FHAD1: variants seen among roughly 807,000 people sequenced by gnomAD.
FHAD1 encodes the protein forkhead-associated domain-containing protein 1.
FHAD1 carries 146 observed loss-of-function variants against 191.3 expected under a neutral mutation model. The ratio of observed to expected loss-of-function variants is 0.76; its 90% CI spans 0.67 to 0.88. The LOEUF (loss-of-function observed/expected upper bound fraction) is 0.88, where lower values mean the gene tolerates loss of function less well. FHAD1 is among the 40% of genes least tolerant of loss of function. The probability of loss-of-function intolerance (pLI) is 0.00; values close to 1 mark genes in which losing one functional copy is unlikely to be tolerated. For missense variants in FHAD1, 1,635 were observed against 1,785.8 expected (o/e 0.92, Z 1.52); for synonymous variants, 616 against 672.3 (o/e 0.92, Z 1.29).
chr1:15,249,816 C>T (rs1007293920), intron 1 of FHAD1, among the ~76,000 whole-genome samples: 1 of 152,104 alleles, frequency 6.6e-6, no homozygotes, highest in Non-Finnish European at 1.5e-5. Context: ...CATCCCCTCC[C>T]CACCCAGCAG....
At chr1:15,255,556 T>C (rs753414198) in intron 2 of FHAD1, among the ~76,000 whole-genome samples, 3 of 152,164 alleles carry the variant, frequency 2.0e-5, no homozygotes, top group Non-Finnish European at 4.4e-5. Flanking sequence ...TCCACAGACA[T>C]TGGCCTGGAG....
chr1:15,390,446 C>G (rs1703688070), intron 32 of FHAD1, among the ~76,000 whole-genome samples: 2 of 152,002 alleles, frequency 1.3e-5, no homozygotes, highest in Non-Finnish European at 2.9e-5. Context: ...CCCACAGTCC[C>G]ACACGCCACC....
chr1:15,376,843 C>T (rs1192916498), intron 28 of FHAD1, among the ~76,000 whole-genome samples: 1 of 152,154 alleles, frequency 6.6e-6, no homozygotes, highest in African/African-American at 2.4e-5. Context: ...TGAGACCAGC[C>T]TGGGAAACAT....
chr1:15,391,203 A>G lies in FHAD1; in HGVS notation c.4270-7A>G. The stretch of plus-strand genomic sequence containing the variant: ...TAGATTTTGTTCTTATTCTTTCTGT[A>G]TTGAAGAGACGAGTATTTGTAGAGA... On this transcript the variant is annotated splice_region_variant and splice_polypyrimidine_tract_variant and intron_variant, in intron 32 of 33. Coordinates refer to ENST00000688493, the MANE Select transcript of FHAD1 (RefSeq NM_001391957.1). 1 of 1,281,982 alleles carries G rather than the reference A, an allele frequency of 7.8e-7. No individual in the cohort carries two copies. Among genetic ancestry groups the G allele is most frequent in the East Asian group, 5.6e-5 (1 of 17,800 alleles). 79.4% of individuals were successfully genotyped at this position (1,281,982 alleles called of 1,614,324 possible).
downstream of FHAD1, among the ~76,000 whole-genome samples, chr1:15,401,985 A>C (rs115547094): frequency 1.6e-3 from 245 of 152,302 alleles, 1 homozygote; most frequent in African/African-American, 5.6e-3. Flanking sequence ...GCCTCCGTCC[A>C]GTTGGGGGAA....
At chr1:15,271,242 G>A (rs1040091328) in intron 2 of FHAD1, among the ~76,000 whole-genome samples, 1 of 152,196 alleles carries the variant, frequency 6.6e-6, no homozygotes, top group African/African-American at 2.4e-5. Flanking sequence ...GAACCCAGGA[G>A]GTGGAGGCTG....
intron 16 of FHAD1, among the ~76,000 whole-genome samples, chr1:15,342,599 A>G (rs1687193445): frequency 6.6e-6 from 1 of 152,112 alleles, no homozygotes; most frequent in Non-Finnish European, 1.5e-5. Context: ...AAATCAGAAC[A>G]TCTGGAGAGG....
chr1:15,362,772 C>A, intron 23 of FHAD1, 46 bp downstream of exon 23: 1 of 1,478,462 alleles, frequency 6.8e-7, no homozygotes, highest in Non-Finnish European at 9.2e-7. Flanking sequence ...TCACCGGCAC[C>A]ACCTGGGTGG....
intron 3 of FHAD1, among the ~76,000 whole-genome samples, chr1:15,278,815 A>G (rs1167909110): frequency 6.6e-6 from 1 of 152,186 alleles, no homozygotes; most frequent in Non-Finnish European, 1.5e-5. Flanking sequence ...ACATACATGT[A>G]TATGCATTTG....
intron 33 of FHAD1, among the ~76,000 whole-genome samples, chr1:15,391,823 T>C (rs1704124010): frequency 6.6e-6 from 1 of 152,196 alleles, no homozygotes; most frequent in South Asian, 2.1e-4. Flanking sequence ...CTGCTGCTGC[T>C]CTGGGTGTTA....
At chr1:15,324,989 C>T (rs1328841732) in intron 11 of FHAD1, 1 of 196,140 alleles carries the variant, frequency 5.1e-6, no homozygotes, top group African/African-American at 2.3e-5. Flanking sequence ...TAAGGTAAAA[C>T]CCTGGAGTGT....
intron 5 of FHAD1, 98 bp downstream of exon 5, chr1:15,296,891 T>C: frequency 1.1e-6 from 1 of 935,998 alleles, no homozygotes; most frequent in South Asian, 1.7e-5. Flanking sequence ...AGTGCCCTTA[T>C]CCTGCTTCCA....
chr1:15,389,350 G>A (rs946271642), intron 32 of FHAD1, among the ~76,000 whole-genome samples: 9 of 150,060 alleles, frequency 6.0e-5, no homozygotes, highest in African/African-American at 1.2e-4. Context: ...GGAGGCTGAG[G>A]TGGGACAATC....
intron 6 of FHAD1, 22 bp from the exon 7 acceptor site, chr1:15,308,591 A>T (rs1454897753): frequency 6.4e-7 from 1 of 1,551,222 alleles, no homozygotes; most frequent in African/African-American, 1.4e-5. Flanking sequence ...CCCCCCTCTG[A>T]CTGTGCCACC....
chr1:15,281,727 C>T (rs1660651753), intron 3 of FHAD1, among the ~76,000 whole-genome samples: 1 of 137,772 alleles, frequency 7.3e-6, no homozygotes, highest in South Asian at 2.3e-4. Flanking sequence ...CGCTACTGCA[C>T]TCCAGCCTGG....
intron 6 of FHAD1, among the ~76,000 whole-genome samples, chr1:15,304,858 G>A (rs891372271): frequency 2.6e-5 from 4 of 152,060 alleles, no homozygotes; most frequent in African/African-American, 7.2e-5. Flanking sequence ...TTCTACCACC[G>A]AGTCATAGCC....
chr1:15,358,220 A>G lies in FHAD1; in HGVS notation c.2673A>G (p.Ala891=). The change falls in exon 21 of 34, where the codon GCA becomes GCG. Residue 891 remains alanine (A), a synonymous_variant. Coordinates refer to ENST00000688493, the MANE Select transcript of FHAD1 (RefSeq NM_001391957.1). ...QKTKATESLK[A]ESLALKLNET... The stretch of plus-strand genomic sequence containing the variant: ...CAAAGGCAACTGAAAGTCTAAAAGC[A>G]GAGAGCCTCGCCTTGAAATTAAATG... 1 of 1,542,502 alleles carries G rather than the reference A, an allele frequency of 6.5e-7. No individual in the cohort carries two copies. Among genetic ancestry groups the G allele is most frequent in the Non-Finnish European group, 8.7e-7 (1 of 1,145,070 alleles).
chr1:15,301,523 C>G (rs1267858142), intron 6 of FHAD1, 82 bp downstream of exon 6: 10 of 1,244,474 alleles, frequency 8.0e-6, no homozygotes, highest in Non-Finnish European at 4.5e-6. Context: ...GGTGAGCCAC[C>G]CAGAGTTAGG....
chr1:15,273,012 G>T (rs1023699155), intron 3 of FHAD1, among the ~76,000 whole-genome samples: 1 of 152,006 alleles, frequency 6.6e-6, no homozygotes, highest in East Asian at 1.9e-4. Context: ...ACACATAAGC[G>T]CCTGAAAAGC....
Sources: allele counts gnomAD v4.1 joint callset (sites outside exome capture counted in the v4.1 genomes callset), GRCh38; gene constraint gnomAD v4.1.1; transcripts MANE v1.5; gene names NCBI Gene and HGNC (gene_info 2026-07-23, HGNC 2026-07-21).